The following FRS2 variants were observed in gnomAD, a reference collection of about 807,000 sequenced individuals.
FRS2 encodes the protein fibroblast growth factor receptor substrate 2, also known as FGFR signalling adaptor.
FRS2 carries 8 observed loss-of-function variants against 43.9 expected under a neutral mutation model. That is an observed-to-expected ratio of 0.18 (90% CI 0.11 to 0.33). FRS2 has a LOEUF of 0.33. Ranked by LOEUF, FRS2 falls within the 10% of genes least tolerant of loss-of-function variation. The pLI, the probability that FRS2 is intolerant of heterozygous loss-of-function variation, is 1.00. For synonymous variants in FRS2, 219 were observed against 220.3 expected (o/e 0.99, Z 0.05); for missense variants, 534 against 627.6 (o/e 0.85, Z 1.59).
At chr12:69,523,894 G>A (rs1316535213) in intron 1 of FRS2, among the ~76,000 whole-genome samples, 1 of 152,178 alleles carries the variant, frequency 6.6e-6, no homozygotes, top group East Asian at 1.9e-4. Context: ...CACTCCAATG[G>A]GCAAGTGCCA....
chr12:69,480,777 C>A (rs902601145), intron 1 of FRS2, among the ~76,000 whole-genome samples: 35 of 152,064 alleles, frequency 2.3e-4, no homozygotes, highest in African/African-American at 7.5e-4. Context: ...TCTTAAAAAT[C>A]TATTAAATAT....
chr12:69,526,509 T>C (rs1876243245), intron 1 of FRS2, among the ~76,000 whole-genome samples: 1 of 152,112 alleles, frequency 6.6e-6, no homozygotes, highest in South Asian at 2.1e-4. Flanking sequence ...TGCTATTGAG[T>C]ATGAAGAAAT....
chr12:69,532,153 ATCTTT>A (rs1876862975), intron 3 of FRS2, 97 bp downstream of exon 3: 1 of 152,310 alleles, frequency 6.6e-6, no homozygotes, highest in Non-Finnish European at 1.5e-5. Flanking sequence ...TTTATTTAAT[ATCTTT>A]TCTTTATTAT....
At chr12:69,567,636 A>C (rs946194464) in intron 4 of FRS2, among the ~76,000 whole-genome samples, 5 of 152,224 alleles carry the variant, frequency 3.3e-5, no homozygotes, top group African/African-American at 1.2e-4. Context: ...TAGCATATGC[A>C]TGACGGTCAT....
At chr12:69,548,735 G>T (rs1292455726) in intron 3 of FRS2, among the ~76,000 whole-genome samples, 1 of 152,332 alleles carries the variant, frequency 6.6e-6, no homozygotes, top group East Asian at 1.9e-4. Context: ...GGCCAGGTTT[G>T]CTGGGAACAC....
chr12:69,502,280 G>A lies in FRS2; in HGVS notation c.-260-28585G>A, dbSNP rs185350498. 7.2e-5 allele frequency among the ~76,000 whole-genome samples: 11 copies of A among 152,072 alleles called. No individual in the cohort carries two copies. In the South Asian group the frequency reaches 1.2e-3, roughly 17 times the overall value. ...TGCACCTGGCTAACACCTATCTTTTGTATTAAAGGGACATCATTTATTAGA... is the reference window on the plus strand; with the variant it reads ...TGCACCTGGCTAACACCTATCTTTTATATTAAAGGGACATCATTTATTAGA... On this transcript the variant is annotated intron_variant, in intron 1 of 8. Transcript: ENST00000549921.
chr12:69,527,007 G>C (rs1592992841), intron 1 of FRS2, among the ~76,000 whole-genome samples: 1 of 152,212 alleles, frequency 6.6e-6, no homozygotes, highest in Admixed American at 6.5e-5. Context: ...ACAGGCCTGA[G>C]CCACCGCGTC....
At chr12:69,532,572 T>A (rs1034758190) in intron 3 of FRS2, among the ~76,000 whole-genome samples, 3 of 152,160 alleles carry the variant, frequency 2.0e-5, no homozygotes, top group African/African-American at 4.8e-5. Context: ...AACGCCTTAA[T>A]TAGGTCATGA....
At position 69,579,060 on chromosome 12, in the gene FRS2, G is replaced by T. The variant is rs890602414; in HGVS notation, c.*4105G>T. 2 of 152,550 alleles carry T rather than the reference G, an allele frequency of 1.3e-5. No homozygotes were observed. Among genetic ancestry groups the T allele is most frequent in the Non-Finnish European group, 2.9e-5 (2 of 68,018 alleles). 9.4% of individuals were successfully genotyped at this position (152,550 alleles called of 1,614,324 possible). On this transcript the variant is annotated 3_prime_UTR_variant, in exon 9 of 9. Transcript: ENST00000549921. ...CCACTGTTAATTAAAATAAAACCTT[G>T]TTGTATATGTAACAACATAATTTTC...
Position 69,470,593 on chromosome 12 carries a change from G to T in FRS2, c.-261+63G>T, listed in dbSNP as rs375188074. ...CCCGCGTCGGAGCTGGCGTTCTCGT[G>T]CCCCCGCTGCCCGCTTCGGGATCCG... On this transcript the variant is annotated intron_variant, in intron 1 of 8. Coordinates refer to ENST00000549921, the MANE Select transcript of FRS2 (RefSeq NM_001278356.2). The T allele has an allele frequency of 7.0e-5, 28 of 397,804 alleles. No individual in the cohort carries two copies. The East Asian group carries it at 7.9e-4, about 11-fold the overall frequency. 24.6% of individuals were successfully genotyped at this position (397,804 alleles called of 1,614,324 possible).
At chr12:69,496,920 T>C (rs1872950574) in intron 1 of FRS2, among the ~76,000 whole-genome samples, 1 of 152,240 alleles carries the variant, frequency 6.6e-6, no homozygotes, top group Non-Finnish European at 1.5e-5. Context: ...ACTCTGTCTC[T>C]TAATCCTTAC....
intron 3 of FRS2, among the ~76,000 whole-genome samples, chr12:69,543,483 T>A (rs904056548): frequency 7.9e-5 from 12 of 152,200 alleles, no homozygotes; most frequent in African/African-American, 2.2e-4. Flanking sequence ...CGTTTTGTGG[T>A]GGCATTGGAG....
chr12:69,559,508 A>G (rs1223525967), intron 3 of FRS2, among the ~76,000 whole-genome samples: 2 of 152,170 alleles, frequency 1.3e-5, no homozygotes, highest in African/African-American at 2.4e-5. Context: ...AACCATATTC[A>G]TGGATGGATG....
chr12:69,517,581 A>G (rs948330197), intron 1 of FRS2, among the ~76,000 whole-genome samples: 5 of 152,170 alleles, frequency 3.3e-5, no homozygotes, highest in Non-Finnish European at 7.3e-5. Context: ...ACTGTCCTAA[A>G]GAGCCACACC....
chr12:69,546,507 C>T (rs567071610), intron 3 of FRS2, among the ~76,000 whole-genome samples: 73 of 152,280 alleles, frequency 4.8e-4, no homozygotes, highest in Non-Finnish European at 7.3e-4. Context: ...ATCTGCTCAC[C>T]TTGGCCTCCC....
intron 1 of FRS2, among the ~76,000 whole-genome samples, chr12:69,485,105 A>ACACGCG (rs1871756047): frequency 6.8e-6 from 1 of 146,292 alleles, no homozygotes; most frequent in African/African-American, 2.7e-5. Context: ...ACACACACAC[A>ACACGCG]CACACACACA....
At position 69,577,809 on chromosome 12, in the gene FRS2, T is replaced by C. The variant is rs529973998; in HGVS notation, c.*2854T>C. ...ACTGCTGCTGTGGAGTGATGAGATA[T>C]GCACTTTACTCTTTAAGATTCAGCA... On this transcript the variant is annotated 3_prime_UTR_variant, in exon 9 of 9. Coordinates refer to ENST00000549921, the MANE Select transcript of FRS2 (RefSeq NM_001278356.2). The C allele has an allele frequency of 9.8e-5, 15 of 152,740 alleles. No homozygotes were observed. The South Asian group carries it at 1.9e-3, about 19-fold the overall frequency. The allele number at this position is 152,740 out of a possible 1,614,324, so 9.5% of individuals were successfully genotyped here. A position where few individuals can be genotyped will look rare whatever the true frequency, so the allele number is the denominator to read the frequency against.
At chr12:69,546,710 T>A (rs1003288641) in intron 3 of FRS2, among the ~76,000 whole-genome samples, 19 of 152,108 alleles carry the variant, frequency 1.2e-4, no homozygotes, top group Non-Finnish European at 2.6e-4. Context: ...TACTATTTTT[T>A]AAAAAATAGA....
At chr12:69,525,006 C>T (rs1441005453) in intron 1 of FRS2, among the ~76,000 whole-genome samples, 1 of 152,038 alleles carries the variant, frequency 6.6e-6, no homozygotes, top group Non-Finnish European at 1.5e-5. Flanking sequence ...TATCTTTCTT[C>T]CCTCTGATCT....
Sources: gnomAD v4.1 joint callset for allele counts (sites outside exome capture counted in the v4.1 genomes callset) on GRCh38, gnomAD v4.1.1 for gene constraint, MANE v1.5 for transcripts, NCBI Gene and HGNC (gene_info 2026-07-23, HGNC 2026-07-21) for gene names.